SOX6: variants seen among roughly 807,000 people sequenced by gnomAD.
SOX6 encodes transcription factor SOX-6.
In SOX6, 11 loss-of-function variants were observed where a neutral mutation model predicts 97.8. The ratio of observed to expected loss-of-function variants is 0.11; its 90% confidence interval spans 0.07 to 0.19. The LOEUF is 0.19. Among genes scored for constraint, SOX6 ranks in the 10% least tolerant of loss-of-function variants. The pLI is 1.00. For synonymous variants in SOX6, 360 were observed against 371.4 expected (o/e 0.97, Z 0.35); for missense variants, 810 against 1,039.5 (o/e 0.78, Z 3.04).
intron 6 of SOX6, among the ~76,000 whole-genome samples, chr11:16,124,214 T>C: frequency 6.6e-6 from 1 of 152,228 alleles, no homozygotes; most frequent in East Asian, 1.9e-4. Flanking sequence ...ATGTTTCTTT[T>C]AAGACCTGAC....
intron 4 of SOX6, among the ~76,000 whole-genome samples, chr11:16,204,675 AT>A (rs1344375262): frequency 1.3e-5 from 2 of 152,104 alleles, no homozygotes; most frequent in African/African-American, 4.8e-5. Context: ...TCTGGAGGTG[AT>A]TTTTTAAAAA....
chr11:16,137,980 T>C (rs1850018975), intron 6 of SOX6, among the ~76,000 whole-genome samples: 1 of 152,202 alleles, frequency 6.6e-6, no homozygotes, highest in Non-Finnish European at 1.5e-5. Context: ...CAATTAAAAC[T>C]CTTTTCTTTA....
chr11:16,733,110 C>A (rs541819290), intron 2 of SOX6, among the ~76,000 whole-genome samples: 2 of 152,284 alleles, frequency 1.3e-5, no homozygotes, highest in African/African-American at 2.4e-5. Context: ...GAAATAGGAA[C>A]GCTTTTACAC....
chr11:15,981,825 A>T (rs1853664849), intron 15 of SOX6, among the ~76,000 whole-genome samples: 1 of 152,050 alleles, frequency 6.6e-6, no homozygotes, highest in South Asian at 2.1e-4. Context: ...ACACAGTATT[A>T]TTTTTCTAGA....
chr11:16,494,182 G>C (rs1316351507), intron 4 of SOX6, among the ~76,000 whole-genome samples: 1 of 152,040 alleles, frequency 6.6e-6, no homozygotes, highest in East Asian at 1.9e-4. Context: ...TTCAAGACCA[G>C]CCTGGCCAAC....
rs1849843394 is a variant in SOX6, at chr11:16,132,505, A to AAGCAAGCAAGCAAGCAAGC, written c.778-20583_778-20582insGCTTGCTTGCTTGCTTGCT. Reference sequence around the variant, plus strand: ...GAAAGAAAGAAAGAAAGAAAGAAAGAAAGCTTATCTTTGTATCTAGGAAGA... The same window carrying AAGCAAGCAAGCAAGCAAGC: ...GAAAGAAAGAAAGAAAGAAAGAAAGAAGCAAGCAAGCAAGCAAGCAAGCTTATCTTTGTATCTAGGAAGA... On this transcript the variant is annotated intron_variant, in intron 6 of 15. Coordinates refer to ENST00000683767, the MANE Select transcript of SOX6 (RefSeq NM_001367873.1). Among the ~76,000 whole-genome samples, 77 of 86,214 alleles carry AAGCAAGCAAGCAAGCAAGC rather than the reference A, an allele frequency of 8.9e-4. 4 individuals are homozygous for AAGCAAGCAAGCAAGCAAGC. Among genetic ancestry groups the AAGCAAGCAAGCAAGCAAGC allele is most frequent in the Non-Finnish European group, 1.4e-3 (55 of 38,494 alleles). 56.6% of individuals were successfully genotyped at this position (86,214 alleles called of 152,430 possible).
chr11:16,015,296 C>G, intron 12 of SOX6: 1 of 533,420 alleles, frequency 1.9e-6, no homozygotes, highest in Non-Finnish European at 3.4e-6. Flanking sequence ...GCCAGAGCTT[C>G]TATGCATATC....
intron 4 of SOX6, among the ~76,000 whole-genome samples, chr11:16,552,166 C>A (rs1381322190): frequency 6.6e-6 from 1 of 151,818 alleles, no homozygotes; most frequent in Non-Finnish European, 1.5e-5. Flanking sequence ...ACACGGCCCC[C>A]AAAAAAATTA....
intron 9 of SOX6, among the ~76,000 whole-genome samples, chr11:16,093,443 C>T (rs939628509): frequency 9.9e-5 from 15 of 151,986 alleles, no homozygotes; most frequent in Admixed American, 2.6e-4. Context: ...TTTTAAATAA[C>T]TTTTCTCTAC....
chr11:16,236,089 G>A (rs988516370), intron 3 of SOX6, among the ~76,000 whole-genome samples: 8 of 151,642 alleles, frequency 5.3e-5, no homozygotes, highest in African/African-American at 1.5e-4. Context: ...CTTCCCTCCC[G>A]TTTTCCTTCC....
chr11:16,665,903 A>C (rs1847803973), intron 3 of SOX6, among the ~76,000 whole-genome samples: 1 of 152,212 alleles, frequency 6.6e-6, no homozygotes, highest in Non-Finnish European at 1.5e-5. Context: ...CTGGTAATCC[A>C]GGGAATTCTT....
chr11:16,423,585 A>C (rs1033032281), intron 1 of SOX6, among the ~76,000 whole-genome samples: 1 of 152,194 alleles, frequency 6.6e-6, no homozygotes, highest in Non-Finnish European at 1.5e-5. Context: ...CTAAAGTCTC[A>C]AGTCTGGTGA....
At chr11:16,417,362 C>A (rs966902634) in intron 1 of SOX6, among the ~76,000 whole-genome samples, 3 of 152,100 alleles carry the variant, frequency 2.0e-5, no homozygotes, top group African/African-American at 7.2e-5. Context: ...AGCAAAAATT[C>A]ACGACTGTGA....
intron 3 of SOX6, among the ~76,000 whole-genome samples, chr11:16,299,131 C>A (rs1855179284): frequency 6.6e-6 from 1 of 152,012 alleles, no homozygotes; most frequent in South Asian, 2.1e-4. Context: ...AATCTTAATA[C>A]AAATAGTATT....
Position 16,347,752 on chromosome 11 carries a change from C to T in SOX6, c.-4-6500G>A, listed in dbSNP as rs895674405. Among the ~76,000 whole-genome samples, 38 of 152,078 alleles carry T rather than the reference C, an allele frequency of 2.5e-4. 1 individual carries two copies. On this transcript the variant is annotated intron_variant, in intron 1 of 15. Transcript: ENST00000683767. The stretch of plus-strand genomic sequence containing the variant: ...AGAGACAAAGTGTAGGAAATTGTCA[C>T]TGTATACTTTTCCATCCTTAACTCG...
chr11:16,417,898 T>A, intron 1 of SOX6, among the ~76,000 whole-genome samples: 1 of 152,216 alleles, frequency 6.6e-6, no homozygotes, highest in East Asian at 1.9e-4. Context: ...TCTGAGTTCA[T>A]TCTGTAACCA....
chr11:16,127,169 A>G (rs904144681), intron 6 of SOX6, among the ~76,000 whole-genome samples: 1 of 152,136 alleles, frequency 6.6e-6, no homozygotes, highest in African/African-American at 2.4e-5. Flanking sequence ...AAGAAGTTAT[A>G]CATAGAAATA....
chr11:16,253,689 A>G (rs1853588500), intron 3 of SOX6, among the ~76,000 whole-genome samples: 1 of 151,530 alleles, frequency 6.6e-6, no homozygotes, highest in South Asian at 2.1e-4. Context: ...ATAAGACTGG[A>G]AAAAAAAACC....
At chr11:16,352,907 T>C (rs1856986290) in intron 1 of SOX6, among the ~76,000 whole-genome samples, 1 of 152,010 alleles carries the variant, frequency 6.6e-6, no homozygotes, top group Non-Finnish European at 1.5e-5. Context: ...GACAACAAAA[T>C]TGGTTGAGGA....
Sources: allele counts gnomAD v4.1 joint callset (sites outside exome capture counted in the v4.1 genomes callset), GRCh38; gene constraint gnomAD v4.1.1; transcripts MANE v1.5; gene names NCBI Gene and HGNC (gene_info 2026-07-23, HGNC 2026-07-21).